The following ITPRID1 variants were observed in gnomAD, a reference collection of about 807,000 sequenced individuals.
ITPRID1 encodes protein ITPRID1.
In ITPRID1, 96 loss-of-function variants were observed where a neutral mutation model predicts 95.4. The observed-to-expected ratio is 1.01, with a 90% CI of 0.85 to 1.19. ITPRID1 has a LOEUF of 1.19. ITPRID1 is among the 50% of genes most tolerant of loss of function. The pLI is 0.00. For missense variants in ITPRID1, 1,339 were observed against 1,252.9 expected (o/e 1.07, Z -1.04); for synonymous variants, 510 against 453.6 (o/e 1.12, Z -1.58).
chr7:31,629,503 A>G (rs959765418), intron 10 of ITPRID1, among the ~76,000 whole-genome samples: 7 of 152,192 alleles, frequency 4.6e-5, no homozygotes, highest in African/African-American at 1.7e-4. Flanking sequence ...CCCTCTGAAC[A>G]TATTACTCTA....
chr7:31,544,219 T>C (rs1247422066), intron 1 of ITPRID1, among the ~76,000 whole-genome samples: 1 of 152,132 alleles, frequency 6.6e-6, no homozygotes, highest in East Asian at 1.9e-4. Flanking sequence ...TACTGATTTT[T>C]TGTAGATATT....
At chr7:31,652,102 G>C in intron 14 of ITPRID1, 52 bp downstream of exon 14, 1 of 1,275,406 alleles carries the variant, frequency 7.8e-7, no homozygotes, top group Non-Finnish European at 1.1e-6. Flanking sequence ...CCACAGGAGA[G>C]GTGCATTAAA....
intron 1 of ITPRID1, among the ~76,000 whole-genome samples, chr7:31,522,767 CA>C (rs1783306957): frequency 6.6e-6 from 1 of 152,108 alleles, no homozygotes; most frequent in South Asian, 2.1e-4. Context: ...AAGTTAAAAA[CA>C]AAGCAAGCCA....
rs1171650203 is a variant in ITPRID1, at chr7:31,598,617, A to T, written c.1228+15426A>T. Among the ~76,000 whole-genome samples, 9 of 151,860 alleles carry T rather than the reference A, an allele frequency of 5.9e-5. No homozygotes were observed. In the East Asian group the frequency reaches 1.7e-3, roughly 30 times the overall value. ...ACGGGGTTTCACCGTGTTAGCCAGG[A>T]TGGTCTCTATCTCCTGACCTCGTGA... On this transcript the variant is annotated intron_variant, in intron 10 of 14. Transcript: ENST00000615280.
At position 31,554,753 on chromosome 7, in the gene ITPRID1, T is replaced by A. The variant is rs928308724; in HGVS notation, c.213-105T>A. The stretch of plus-strand genomic sequence containing the variant: ...TTGGTTTCTAAAAGTCCTCTCTTAC[T>A]AAAACCTAACTCTGCATTTGCTCTC... On this transcript the variant is annotated intron_variant, in intron 4 of 14. Coordinates refer to ENST00000615280, the MANE Select transcript of ITPRID1 (RefSeq NM_001257967.3). 78 of 1,101,240 alleles carry A rather than the reference T, an allele frequency of 7.1e-5. No individual in the cohort carries two copies. In the African/African-American group the frequency reaches 1.1e-3, roughly 16 times the overall value. The allele number at this position is 1,101,240 out of a possible 1,614,324, so 68.2% of individuals were successfully genotyped here.
At chr7:31,598,588 A>G (rs1562597770) in intron 10 of ITPRID1, among the ~76,000 whole-genome samples, 1 of 151,644 alleles carries the variant, frequency 6.6e-6, no homozygotes, top group Non-Finnish European at 1.5e-5. Context: ...TATTTTTAGT[A>G]GGGACGGGGT....
intron 1 of ITPRID1, among the ~76,000 whole-genome samples, chr7:31,515,514 G>C (rs1783015991): frequency 6.6e-6 from 1 of 152,148 alleles, no homozygotes; most frequent in South Asian, 2.1e-4. Flanking sequence ...GGCAGAGTTT[G>C]CAGTGAGCTG....
At chr7:31,592,671 C>T (rs1249678482) in intron 10 of ITPRID1, among the ~76,000 whole-genome samples, 9 of 152,298 alleles carry the variant, frequency 5.9e-5, no homozygotes, top group Middle Eastern at 6.8e-3. Context: ...GAATCTAATG[C>T]AACCACTGAT....
chr7:31,616,023 G>A (rs1787183164), intron 10 of ITPRID1, among the ~76,000 whole-genome samples: 1 of 152,070 alleles, frequency 6.6e-6, no homozygotes, highest in African/African-American at 2.4e-5. Context: ...GATTACAGGT[G>A]TGAGCCACCG....
intron 10 of ITPRID1, among the ~76,000 whole-genome samples, chr7:31,638,363 T>C (rs1789686384): frequency 6.6e-6 from 1 of 152,190 alleles, no homozygotes; most frequent in Non-Finnish European, 1.5e-5. Context: ...GTTCTATTAC[T>C]CAGGTTAAAG....
chr7:31,643,240 G>A lies in ITPRID1; in HGVS notation c.1870G>A (p.Gly624Arg). Reference protein sequence around the residue: ...SEAPREEESSGFCPHTNHSLL... With the variant: ...SEAPREEESSRFCPHTNHSLL... Reference sequence around the variant, plus strand: ...GGCCCCACGAGAAGAGGAAAGCAGTGGATTCTGTCCTCACACCAACCACAG... The same window carrying A: ...GGCCCCACGAGAAGAGGAAAGCAGTAGATTCTGTCCTCACACCAACCACAG... The change falls in exon 12 of 15, where the codon GGA (glycine) becomes AGA (arginine). Residue 624 changes from glycine (G) to arginine (R), a missense_variant. Physicochemically the swap from Gly to Arg is moderately radical, Grantham distance 125 (BLOSUM62 -2). Coordinates refer to ENST00000615280, the MANE Select transcript of ITPRID1 (RefSeq NM_001257967.3). The A allele has an allele frequency of 6.2e-7, 1 of 1,613,732 alleles. No individual in the cohort carries two copies. The highest frequency in any genetic ancestry group is 8.5e-7 in the Non-Finnish European group (1 of 1,179,846).
downstream of ITPRID1, chr7:31,658,339 G>GA: frequency 6.6e-7 from 1 of 1,519,208 alleles, no homozygotes; most frequent in Non-Finnish European, 8.8e-7. Flanking sequence ...TGCTAAAGAT[G>GA]AAAAAATAAA....
Position 31,653,968 on chromosome 7 carries a change from G to T in ITPRID1, c.*1139G>T, listed in dbSNP as rs985018105. Among the ~76,000 whole-genome samples the T allele has an allele frequency of 6.6e-6, 1 of 151,042 alleles. No individual in the cohort carries two copies. Among genetic ancestry groups the T allele is most frequent in the African/African-American group, 2.4e-5 (1 of 41,100 alleles). On this transcript the variant is annotated 3_prime_UTR_variant, in exon 15 of 15. Coordinates refer to ENST00000615280, the MANE Select transcript of ITPRID1 (RefSeq NM_001257967.3). The stretch of plus-strand genomic sequence containing the variant: ...AGTACTGATGAAACACCTACTGTGT[G>T]CAGGCTACTATTCTAGTGCTGGAGA...
rs576186715 is a variant in ITPRID1, at chr7:31,614,249, T to G, written c.1229-27927T>G. ...TGTGTATCTAGGGCAGGTGAAGAAG[T>G]AACTTCATAAATGCTTTCCAATAAA... On this transcript the variant is annotated intron_variant, in intron 10 of 14. Transcript: ENST00000615280. Among the ~76,000 whole-genome samples the G allele has an allele frequency of 6.6e-5, 10 of 152,306 alleles. No individual in the cohort carries two copies. In the East Asian group the frequency reaches 1.9e-3, roughly 29 times the overall value.
In ITPRID1 at chr7:31,653,012, A is replaced by G. The variant is rs530265162; in HGVS notation, c.*183A>G. ...ATACTCTAATACTCATTCAGTATAG[A>G]ATAACTGAGCACCTAGTATGTGCCT... On this transcript the variant is annotated 3_prime_UTR_variant, in exon 15 of 15. Transcript: ENST00000615280. 517 of 1,397,102 alleles carry G rather than the reference A, an allele frequency of 3.7e-4. 6 individuals carry two copies. In the South Asian group the frequency reaches 6.0e-3, roughly 16 times the overall value. The allele number at this position is 1,397,102 out of a possible 1,614,324, so 86.5% of individuals were successfully genotyped here.
intron 10 of ITPRID1, among the ~76,000 whole-genome samples, chr7:31,622,283 C>T (rs1787986700): frequency 8.8e-6 from 1 of 113,112 alleles, no homozygotes; most frequent in South Asian, 4.2e-4. Context: ...ACTCTCCACC[C>T]CAAATCAACA....
intron 12 of ITPRID1, among the ~76,000 whole-genome samples, chr7:31,646,484 A>G (rs1238313619): frequency 6.6e-6 from 1 of 152,188 alleles, no homozygotes; most frequent in African/African-American, 2.4e-5. Flanking sequence ...ACAGGAACCC[A>G]GAGCCAGATT....
chr7:31,600,550 TAA>T (rs1294881048), intron 10 of ITPRID1, among the ~76,000 whole-genome samples: 3 of 152,174 alleles, frequency 2.0e-5, no homozygotes, highest in Non-Finnish European at 4.4e-5. Context: ...AGAAAAAGGT[TAA>T]AGAGAGAAAG....
chr7:31,630,734 A>C (rs6462289), intron 10 of ITPRID1, among the ~76,000 whole-genome samples: 89,152 of 151,836 alleles, frequency 0.59, 26,676 homozygotes, highest in East Asian at 0.83. Context: ...AAAGAAAAAG[A>C]CTCAAAAGGT....
Sources: allele counts gnomAD v4.1 joint callset (sites outside exome capture counted in the v4.1 genomes callset), GRCh38; gene constraint gnomAD v4.1.1; transcripts MANE v1.5; gene names NCBI Gene and HGNC (gene_info 2026-07-23, HGNC 2026-07-21).